The following SLC17A1 variants were observed in gnomAD, a reference collection of about 807,000 sequenced individuals.
SLC17A1 encodes sodium-dependent phosphate transport protein 1.
SLC17A1 carries 51 observed loss-of-function variants against 53.5 expected under a neutral mutation model. That is an observed-to-expected ratio of 0.95 (90% confidence interval 0.76 to 1.20). The LOEUF (loss-of-function observed/expected upper bound fraction) is 1.20, where lower values mean the gene tolerates loss of function less well. SLC17A1 is among the 50% of genes most tolerant of loss of function. The pLI, the probability that SLC17A1 is intolerant of heterozygous loss-of-function variation, is 0.00. For synonymous variants in SLC17A1, 179 were observed against 198.8 expected (o/e 0.90, Z 0.84); for missense variants, 538 against 568.2 (o/e 0.95, Z 0.54).
At chr6:25,805,080 C>T (rs545197730) in intron 10 of SLC17A1, among the ~76,000 whole-genome samples, 65 of 152,170 alleles carry the variant, frequency 4.3e-4, no homozygotes, top group African/African-American at 1.3e-3. Context: ...GCAGAATATA[C>T]GGTCCTCTTA....
the SLC17A1 span, among the ~76,000 whole-genome samples, chr6:25,758,370 T>G: frequency 2.2e-4 from 34 of 152,342 alleles, no homozygotes; most frequent in African/African-American, 8.2e-4. Flanking sequence ...GTCCCTGAAA[T>G]TTATTTTTAA....
the SLC17A1 span, among the ~76,000 whole-genome samples, chr6:25,759,523 T>C: frequency 6.6e-6 from 1 of 152,198 alleles, no homozygotes; most frequent in African/African-American, 2.4e-5. Context: ...TATTTTCCTG[T>C]AGTCCTTTTG....
At chr6:25,812,737 A>G (rs752960246) in intron 8 of SLC17A1, 94 bp downstream of exon 8, 33 of 841,916 alleles carry the variant, frequency 3.9e-5, no homozygotes, top group Non-Finnish European at 5.5e-5. Context: ...TAGTGTGAGG[A>G]GCTGGCAAGA....
the SLC17A1 span, among the ~76,000 whole-genome samples, chr6:25,774,649 T>C: frequency 3.9e-5 from 6 of 152,216 alleles, no homozygotes; most frequent in African/African-American, 1.4e-4. Flanking sequence ...ACAGACTTCC[T>C]GAGGCTGGCT....
chr6:25,753,365 G>T, the SLC17A1 span, among the ~76,000 whole-genome samples: 8 of 152,074 alleles, frequency 5.3e-5, no homozygotes, highest in African/African-American at 1.4e-4. Context: ...AGGTGAATTT[G>T]CTCTCTTTTC....
At chr6:25,758,220 G>T in the SLC17A1 span, among the ~76,000 whole-genome samples, 14,232 of 152,212 alleles carry the variant, frequency 0.094, 860 homozygotes, top group Middle Eastern at 0.16. Flanking sequence ...CCTCCTTGCA[G>T]GCAGCTCCTA....
the SLC17A1 span, among the ~76,000 whole-genome samples, chr6:25,745,709 C>G: frequency 6.6e-6 from 1 of 152,182 alleles, no homozygotes; most frequent in African/African-American, 2.4e-5. Flanking sequence ...AATAACAAAT[C>G]ATCAAAGTAA....
chr6:25,811,418 A>AT lies in SLC17A1; in HGVS notation c.1157dup (p.Asn386LysfsTer14). 1 of 1,613,496 alleles carries AT rather than the reference A, an allele frequency of 6.2e-7. No homozygotes were observed. Among genetic ancestry groups the AT allele is most frequent in the South Asian group, 1.1e-5 (1 of 90,980 alleles). ...CCTACCTGGGAGCAATATCCAAGCC[A>AT]TTTATAAACACTCCACCCAAGCAAA... On this transcript the variant is annotated frameshift_variant, in exon 10 of 13. Coordinates refer to ENST00000244527, the MANE Select transcript of SLC17A1 (RefSeq NM_005074.5). LOFTEE classifies it high-confidence loss of function.
At chr6:25,731,673 C>T in the SLC17A1 span, 2 of 710,972 alleles carry the variant, frequency 2.8e-6, no homozygotes, top group Non-Finnish European at 4.3e-6. Context: ...AGTCTGGCAA[C>T]GAGGCATACT....
the SLC17A1 span, among the ~76,000 whole-genome samples, chr6:25,763,774 A>G: frequency 6.6e-6 from 1 of 152,220 alleles, no homozygotes; most frequent in African/African-American, 2.4e-5. Flanking sequence ...GTTTTTCTCT[A>G]TCAGTGTCAG....
chr6:25,738,951 C>G, the SLC17A1 span, among the ~76,000 whole-genome samples: 1 of 152,078 alleles, frequency 6.6e-6, no homozygotes, highest in Non-Finnish European at 1.5e-5. Flanking sequence ...TAAAATGGTA[C>G]AGATCACCTT....
the SLC17A1 span, among the ~76,000 whole-genome samples, chr6:25,758,119 C>G: frequency 6.6e-6 from 1 of 152,214 alleles, no homozygotes; most frequent in African/African-American, 2.4e-5. Context: ...GTCACCACCT[C>G]ATGCCCTTAG....
intron 12 of SLC17A1, 130 bp downstream of exon 12, chr6:25,798,653 A>G: frequency 2.7e-6 from 2 of 733,850 alleles, no homozygotes; most frequent in Non-Finnish European, 4.0e-6. Flanking sequence ...TAATATTCTC[A>G]GGCTTAACAT....
the SLC17A1 span, chr6:25,773,674 T>C: frequency 1.3e-4 from 217 of 1,612,824 alleles, no homozygotes; most frequent in Admixed American, 4.3e-4. Context: ...ACCTCAGAGA[T>C]GTAAGTACAG....
chr6:25,771,115 T>C, the SLC17A1 span: 1 of 960,486 alleles, frequency 1.0e-6, no homozygotes, highest in African/African-American at 1.6e-5. Context: ...TTTACATAGC[T>C]AAAGCTGGTA....
In SLC17A1 at chr6:25,800,986, C is replaced by A. The variant is rs1490569003; in HGVS notation, c.1179-6G>T. On this transcript the variant is annotated splice_polypyrimidine_tract_variant and splice_region_variant and intron_variant, in intron 10 of 12. Transcript: ENST00000244527. The stretch of plus-strand genomic sequence containing the variant: ...CTTTAATAAATCCAAAATATCTATG[C>A]ATAAAAGAGTAATACACAAATGTAA... 6.9e-7 allele frequency: 1 copy of A among 1,447,866 alleles called. No individual in the cohort carries two copies. Among genetic ancestry groups the A allele is most frequent in the Non-Finnish European group, 9.7e-7 (1 of 1,029,224 alleles). The allele number at this position is 1,447,866 out of a possible 1,614,324, so 89.7% of individuals were successfully genotyped here.
At chr6:25,741,934 C>G in the SLC17A1 span, among the ~76,000 whole-genome samples, 1 of 152,022 alleles carries the variant, frequency 6.6e-6, no homozygotes. Flanking sequence ...CCTTGGCCGA[C>G]AGACAAAATG....
At chr6:25,802,938 T>C (rs1203616714) in intron 10 of SLC17A1, among the ~76,000 whole-genome samples, 111 of 55,226 alleles carry the variant, frequency 2.0e-3, no homozygotes, top group Non-Finnish European at 2.9e-3. Flanking sequence ...TCTTCTTCTT[T>C]TTTTTTTTTT....
At chr6:25,768,304 G>A in the SLC17A1 span, 3 of 899,896 alleles carry the variant, frequency 3.3e-6, no homozygotes, top group African/African-American at 5.4e-5. Context: ...CATACCTTGT[G>A]ATCATACATT....
Sources: allele counts gnomAD v4.1 joint callset (sites outside exome capture counted in the v4.1 genomes callset), GRCh38; gene constraint gnomAD v4.1.1; transcripts MANE v1.5; gene names NCBI Gene and HGNC (gene_info 2026-07-23, HGNC 2026-07-21).